ERICH1: variants seen among roughly 807,000 people sequenced by gnomAD.
ERICH1 encodes glutamate-rich protein 1.
A neutral mutation model predicts 39.6 loss-of-function variants in ERICH1; 56 were observed. That is an observed-to-expected ratio of 1.41 (90% CI 1.14 to 1.77). The LOEUF (loss-of-function observed/expected upper bound fraction) is 1.77. Ranked by LOEUF, ERICH1 falls within the 40% of genes most tolerant of loss-of-function variation. The pLI is 0.00. For missense variants in ERICH1, 826 were observed against 575.4 expected (o/e 1.44, Z -4.45); for synonymous variants, 313 against 223.6 (o/e 1.40, Z -3.57).
intron 3 of ERICH1, among the ~76,000 whole-genome samples, chr8:620,236 C>T (rs1475089957): frequency 2.6e-5 from 4 of 152,154 alleles, no homozygotes; most frequent in Admixed American, 2.0e-4. Flanking sequence ...CACTTGAATC[C>T]AGGAGGCGGA....
At chr8:677,750 A>T (rs955202263) in intron 3 of ERICH1, among the ~76,000 whole-genome samples, 1 of 152,176 alleles carries the variant, frequency 6.6e-6, no homozygotes, top group Non-Finnish European at 1.5e-5. Flanking sequence ...GCCTTCATGA[A>T]TTTGGAGATA....
At chr8:671,043 G>A (rs1034372534) in intron 4 of ERICH1, among the ~76,000 whole-genome samples, 9 of 151,680 alleles carry the variant, frequency 5.9e-5, no homozygotes, top group African/African-American at 1.7e-4. Flanking sequence ...CAACACCTGA[G>A]CCCACCGGTC....
At position 707,704 on chromosome 8, in the gene ERICH1, C is replaced by A. The variant is rs554761723; in HGVS notation, c.169+8157G>T. Among the ~76,000 whole-genome samples, 5 of 152,230 alleles carry A rather than the reference C, an allele frequency of 3.3e-5. No homozygotes were observed. The South Asian group carries it at 8.3e-4, about 25-fold the overall frequency. On this transcript the variant is annotated intron_variant, in intron 2 of 5. Transcript: ENST00000262109. ...AACTATAAAACTCTTAGAAGAAAAC[C>A]TAGGCATAAATCTTTGTGGCCTTTG...
In ERICH1 at chr8:694,840, T is replaced by G. The variant is rs537773755; in HGVS notation, c.170-2228A>C. On this transcript the variant is annotated intron_variant, in intron 2 of 5. Transcript: ENST00000262109. The stretch of plus-strand genomic sequence containing the variant: ...AAGAGACCGGTTACACTTTATGGGG[T>G]GGGCGGCAGCGAGAGTTCCCCGTCC... Among the ~76,000 whole-genome samples, 3 of 152,104 alleles carry G rather than the reference T, an allele frequency of 2.0e-5. No individual in the cohort carries two copies. The East Asian group carries it at 5.8e-4, about 29-fold the overall frequency.
chr8:617,807 G>A (rs1797019765), intron 3 of ERICH1, among the ~76,000 whole-genome samples: 2 of 147,500 alleles, frequency 1.4e-5, no homozygotes, highest in East Asian at 4.0e-4. Flanking sequence ...CCCTATGAGT[G>A]TTCACTACTC....
chr8:625,785 G>A (rs1797569105), intron 3 of ERICH1: 1 of 152,166 alleles, frequency 6.6e-6, no homozygotes, highest in Non-Finnish European at 1.5e-5. Context: ...GTTGACTTGT[G>A]TCCCGCCTCG....
intron 1 of ERICH1, among the ~76,000 whole-genome samples, chr8:717,461 C>T (rs1164296890): frequency 6.6e-6 from 1 of 152,064 alleles, no homozygotes; most frequent in Non-Finnish European, 1.5e-5. Context: ...CTGCAGTGCT[C>T]CCAGGTATGT....
At chr8:709,511 C>T (rs1021841145) in intron 2 of ERICH1, among the ~76,000 whole-genome samples, 2 of 152,226 alleles carry the variant, frequency 1.3e-5, no homozygotes, top group African/African-American at 4.8e-5. Flanking sequence ...TCATTTGCTC[C>T]CTGGAAAAAT....
chr8:630,916 G>A (rs1222290171), intron 3 of ERICH1, among the ~76,000 whole-genome samples: 9 of 127,330 alleles, frequency 7.1e-5, no homozygotes, highest in African/African-American at 2.6e-4. Flanking sequence ...ACACCCTCCC[G>A]TGACCACCCA....
intron 3 of ERICH1, among the ~76,000 whole-genome samples, chr8:690,726 G>A (rs1038637878): frequency 6.6e-6 from 1 of 152,254 alleles, no homozygotes; most frequent in Non-Finnish European, 1.5e-5. Flanking sequence ...ATGCCCAGGG[G>A]GCCTGGTGCC....
In ERICH1 at chr8:673,819, C is replaced by A; in HGVS notation, c.533G>T (p.Gly178Val). Residue 178 changes from glycine (G) to valine (V), a missense_variant, in exon 4 of 6, where the codon GGC (glycine) becomes GTC (valine). Physicochemically the swap from Gly to Val is moderately radical, Grantham distance 109 (BLOSUM62 -3). Transcript: ENST00000262109. ...KQQIKRKKAA[G>V]LAAKAAGVSF... is the part of the protein sequence containing the mutation. ...GACACCAGCAGCCTTTGCTGCCAAG[C>A]CGGCTGCTTTCTTCCTTTTAATTTG... 2 of 1,614,144 alleles carry A rather than the reference C, an allele frequency of 1.2e-6. No individual in the cohort carries two copies.
At chr8:708,687 T>TGTTTTTTTTTTTTTTTTTTTTTTTG (rs1245939471) in intron 2 of ERICH1, among the ~76,000 whole-genome samples, 1 of 51,086 alleles carries the variant, frequency 2.0e-5, no homozygotes, top group Non-Finnish European at 4.1e-5. Context: ...ATGAGTTTTT[T>TGTTTTTTTTTTTTTTTTTTTTTTTG]TTTTTTTTTT....
At chr8:689,056 T>G (rs1478758573) in intron 3 of ERICH1, among the ~76,000 whole-genome samples, 1 of 152,218 alleles carries the variant, frequency 6.6e-6, no homozygotes, top group Non-Finnish European at 1.5e-5. Flanking sequence ...AACTCCAAGA[T>G]GATATTTTCC....
At chr8:644,187 C>T (rs1274935892) in intron 3 of ERICH1, among the ~76,000 whole-genome samples, 1 of 151,946 alleles carries the variant, frequency 6.6e-6, no homozygotes, top group African/African-American at 2.4e-5. Flanking sequence ...GGCCTCCTGG[C>T]CCCATCCTAA....
At chr8:659,985 G>C (rs1054137105), downstream of ERICH1, among the ~76,000 whole-genome samples, 3 of 152,218 alleles carry the variant, frequency 2.0e-5, no homozygotes, top group Non-Finnish European at 2.9e-5. Flanking sequence ...AAGGATCCTG[G>C]CCTCAAGCCC....
intron 4 of ERICH1, among the ~76,000 whole-genome samples, chr8:670,496 T>C (rs1703936): frequency 0.046 from 6,934 of 152,262 alleles, 274 homozygotes; most frequent in African/African-American, 0.11. Flanking sequence ...GGGGATCCCC[T>C]GGACCGTGCA....
chr8:716,540 A>C (rs1816050379), intron 1 of ERICH1, among the ~76,000 whole-genome samples: 1 of 152,224 alleles, frequency 6.6e-6, no homozygotes. Flanking sequence ...ACAACTGCGA[A>C]TGGGGAGAAT....
chr8:660,084 G>T (rs1801191315), downstream of ERICH1, among the ~76,000 whole-genome samples: 2 of 152,050 alleles, frequency 1.3e-5, no homozygotes, highest in African/African-American at 2.4e-5. Context: ...AACGAGGTGG[G>T]GCTGAGCTCC....
intron 3 of ERICH1, among the ~76,000 whole-genome samples, chr8:635,543 G>A (rs551310952): frequency 6.6e-6 from 1 of 152,298 alleles, no homozygotes; most frequent in South Asian, 2.1e-4. Flanking sequence ...ATCACAGCCC[G>A]CAGGCGGCAC....
Sources: gnomAD v4.1 joint callset for allele counts (sites outside exome capture counted in the v4.1 genomes callset) on GRCh38, gnomAD v4.1.1 for gene constraint, MANE v1.5 for transcripts, NCBI Gene and HGNC (gene_info 2026-07-23, HGNC 2026-07-21) for gene names.